The following GPD2 variants were observed in gnomAD, a reference collection of about 807,000 sequenced individuals.
GPD2 encodes the protein glycerol-3-phosphate dehydrogenase 2, also known as glycerol-3-phosphate dehydrogenase, mitochondrial.
Under a neutral mutation model 82.4 loss-of-function variants are expected in GPD2, and 54 were observed. The ratio of observed to expected loss-of-function variants is 0.66; its 90% CI spans 0.53 to 0.82. The LOEUF (loss-of-function observed/expected upper bound fraction) is 0.82. Ranked by LOEUF, GPD2 falls within the 40% of genes least tolerant of loss-of-function variation. The pLI is 0.00. For missense variants in GPD2, 748 were observed against 896.2 expected, an observed-to-expected ratio of 0.83 and a Z score of 2.11; for synonymous variants, 288 against 306.1, an observed-to-expected ratio of 0.94 and a Z score of 0.62.
At chr2:156,565,269 C>T (rs895111793) in intron 9 of GPD2, among the ~76,000 whole-genome samples, 1 of 152,030 alleles carries the variant, frequency 6.6e-6, no homozygotes, top group Admixed American at 6.6e-5. Context: ...ACGTTGTAAG[C>T]GGGTTTGCTA....
At chr2:156,501,798 G>A (rs930706720) in intron 3 of GPD2, 3 of 169,166 alleles carry the variant, frequency 1.8e-5, no homozygotes, top group Non-Finnish European at 2.9e-5. Context: ...CAGCGGAATC[G>A]ACTTAAGAAA....
chr2:156,479,897 G>A (rs557214360), intron 2 of GPD2, among the ~76,000 whole-genome samples: 108 of 152,234 alleles, frequency 7.1e-4, no homozygotes, highest in African/African-American at 2.4e-3. Context: ...CAGACCAGCT[G>A]TATGCCAAGG....
rs56102423 is a variant in GPD2, at chr2:156,513,506, GT to G, written c.661+24del. ...ATTGTCTACTATGACGGTATGTGAT[GT>G]TTTTTTTTTTTTTCCTCACAAGATA... On this transcript the variant is annotated intron_variant, in intron 6 of 16. Coordinates refer to ENST00000438166, the MANE Select transcript of GPD2 (RefSeq NM_000408.5). 130,039 of 1,289,308 alleles carry G rather than the reference GT, an allele frequency of 0.1. 270 individuals are homozygous for G. The highest frequency in any genetic ancestry group is 0.11 in the Non-Finnish European group (103,913 of 938,516). The allele number at this position is 1,289,308 out of a possible 1,614,324, so 79.9% of individuals were successfully genotyped here. A position where few individuals can be genotyped will look rare whatever the true frequency, so the allele number is the denominator to read the frequency against.
chr2:156,452,215 G>T (rs2105159030), intron 1 of GPD2, among the ~76,000 whole-genome samples: 1 of 152,372 alleles, frequency 6.6e-6, no homozygotes, highest in Admixed American at 6.5e-5. Flanking sequence ...CTGGGAGGTG[G>T]AGGTTGTAGC....
chr2:156,569,265 C>T, intron 10 of GPD2, 98 bp from the exon 11 acceptor site: 1 of 835,254 alleles, frequency 1.2e-6, no homozygotes, highest in East Asian at 2.5e-5. Context: ...TTGTTACAAA[C>T]AACAGGAAAA....
intron 6 of GPD2, among the ~76,000 whole-genome samples, chr2:156,535,279 G>C (rs760585860): frequency 2.2e-4 from 32 of 147,576 alleles, no homozygotes; most frequent in Non-Finnish European, 3.3e-4. Flanking sequence ...CCAGGTGAGA[G>C]AGAGAGAGAG....
chr2:156,451,417 G>C (rs1682569765), intron 1 of GPD2, among the ~76,000 whole-genome samples: 1 of 137,370 alleles, frequency 7.3e-6, no homozygotes, highest in Non-Finnish European at 1.6e-5. Flanking sequence ...GCAGGGCGGG[G>C]GGCTGACCCC....
At chr2:156,490,527 CCAAA>C (rs1189348288) in intron 2 of GPD2, among the ~76,000 whole-genome samples, 1 of 152,040 alleles carries the variant, frequency 6.6e-6, no homozygotes, top group Non-Finnish European at 1.5e-5. Flanking sequence ...CAAAACTATA[CCAAA>C]CAAACTACTT....
the GPD2 span, among the ~76,000 whole-genome samples, chr2:156,403,692 C>G: frequency 7.2e-5 from 11 of 151,872 alleles, no homozygotes; most frequent in Admixed American, 3.9e-4. Flanking sequence ...GTACAAGAAA[C>G]CTTCTGTTCT....
At chr2:156,485,930 G>A (rs298224) in intron 2 of GPD2, among the ~76,000 whole-genome samples, 48,749 of 152,130 alleles carry the variant, frequency 0.32, 9,262 homozygotes, top group Non-Finnish European at 0.44. Flanking sequence ...GCCAAAGACT[G>A]TATCATTCAT....
At chr2:156,441,139 G>C (rs1309664592) in intron 1 of GPD2, among the ~76,000 whole-genome samples, 1 of 152,218 alleles carries the variant, frequency 6.6e-6, no homozygotes, top group Non-Finnish European at 1.5e-5. Flanking sequence ...TGAATACATG[G>C]AGGTGCTGGA....
At chr2:156,523,512 CTT>C (rs1558941580) in intron 6 of GPD2, among the ~76,000 whole-genome samples, 1 of 152,098 alleles carries the variant, frequency 6.6e-6, no homozygotes, top group Non-Finnish European at 1.5e-5. Context: ...TGACCAAACA[CTT>C]ATAAACTCAT....
chr2:156,427,793 C>T, the GPD2 span, among the ~76,000 whole-genome samples: 1 of 152,182 alleles, frequency 6.6e-6, no homozygotes, highest in African/African-American at 2.4e-5. Context: ...AAATCAACAT[C>T]ACTAGGCTGA....
intron 13 of GPD2, among the ~76,000 whole-genome samples, chr2:156,578,531 A>G (rs967536503): frequency 6.6e-6 from 1 of 152,232 alleles, no homozygotes; most frequent in Non-Finnish European, 1.5e-5. Flanking sequence ...AAAGCAGTCA[A>G]ACACAAAAGA....
Position 156,581,163 on chromosome 2 carries a change from GT to G in GPD2, c.2058+1385del, listed in dbSNP as rs558008599. Among the ~76,000 whole-genome samples, 36 of 149,632 alleles carry G rather than the reference GT, an allele frequency of 2.4e-4. 1 individual carries two copies. Among genetic ancestry groups the G allele is most frequent in the Admixed American group, 8.0e-4 (12 of 14,960 alleles). Reference sequence around the variant, plus strand: ...AACTATCTGCAGGTTTTCTTGTAGAGTTTTTTTTTTAAATAATTGAGTATTT... The same window carrying G: ...AACTATCTGCAGGTTTTCTTGTAGAGTTTTTTTTTAAATAATTGAGTATTT... On this transcript the variant is annotated intron_variant, in intron 16 of 16. Coordinates refer to ENST00000438166, the MANE Select transcript of GPD2 (RefSeq NM_000408.5).
chr2:156,460,680 A>G lies in GPD2; in HGVS notation c.-8-15418A>G, dbSNP rs576779238. 3.4e-3 allele frequency among the ~76,000 whole-genome samples: 512 copies of G among 152,342 alleles called. 10 individuals carry two copies. The highest frequency in any genetic ancestry group is 0.012 in the African/African-American group (492 of 41,584). ...AGAAAAGTCACCTGGAAACAACCCC[A>G]GCCCAAGGGGAAATAGAAATATAAA... On this transcript the variant is annotated intron_variant, in intron 1 of 16. Coordinates refer to ENST00000438166, the MANE Select transcript of GPD2 (RefSeq NM_000408.5).
intron 8 of GPD2, among the ~76,000 whole-genome samples, chr2:156,556,665 T>A (rs1283864720): frequency 1.3e-5 from 2 of 152,252 alleles, no homozygotes; most frequent in Non-Finnish European, 2.9e-5. Flanking sequence ...CTAGTGTCTT[T>A]TATGTAAAAG....
chr2:156,403,176 A>G, the GPD2 span, among the ~76,000 whole-genome samples: 1 of 151,608 alleles, frequency 6.6e-6, no homozygotes, highest in Non-Finnish European at 1.5e-5. Context: ...AAACATTACT[A>G]GTGGCCTACC....
intron 3 of GPD2, among the ~76,000 whole-genome samples, chr2:156,507,321 CTTTTCT>C (rs1312881574): frequency 9.4e-6 from 1 of 106,664 alleles, no homozygotes; most frequent in Non-Finnish European, 2.0e-5. Context: ...TTTTCTTTTT[CTTTTCT>C]TTTTTTTTTT....
Sources: allele counts gnomAD v4.1 joint callset (sites outside exome capture counted in the v4.1 genomes callset), GRCh38; gene constraint gnomAD v4.1.1; transcripts MANE v1.5; gene names NCBI Gene and HGNC (gene_info 2026-07-23, HGNC 2026-07-21).